Variants in ZNG1A observed in about 807,000 individuals in gnomAD.
ZNG1A encodes zinc-regulated GTPase metalloprotein activator 1A.
At chr9:140,472 C>G in the ZNG1A span, among the ~76,000 whole-genome samples, 2 of 151,348 alleles carry the variant, frequency 1.3e-5, no homozygotes, top group Admixed American at 6.6e-5. Flanking sequence ...AGAAGGAAAA[C>G]TAACAAACAG....
At chr9:171,387 T>C in the ZNG1A span, among the ~76,000 whole-genome samples, 1 of 152,160 alleles carries the variant, frequency 6.6e-6, no homozygotes, top group South Asian at 2.1e-4. Context: ...GCACTAACTT[T>C]TATGCAAAAT....
the ZNG1A span, chr9:171,933 C>A: frequency 1.7e-6 from 2 of 1,170,528 alleles, no homozygotes; most frequent in South Asian, 2.7e-5. Context: ...AAAATGACAA[C>A]CGAGTACTTT....
At chr9:173,927 C>A in the ZNG1A span, among the ~76,000 whole-genome samples, 1 of 152,122 alleles carries the variant, frequency 6.6e-6, no homozygotes, top group Non-Finnish European at 1.5e-5. Flanking sequence ...GCGGGCGGAT[C>A]ACGAGGTCAG....
the ZNG1A span, among the ~76,000 whole-genome samples, chr9:136,915 G>A: frequency 6.6e-6 from 1 of 151,196 alleles, no homozygotes; most frequent in East Asian, 2.0e-4. Context: ...ATGGGTGCAA[G>A]CCTGTAGTCC....
the ZNG1A span, among the ~76,000 whole-genome samples, chr9:145,462 A>G: frequency 1.3e-5 from 2 of 148,522 alleles, no homozygotes. Flanking sequence ...AAAACCAAAC[A>G]CCGCATATTC....
At chr9:151,162 C>G in the ZNG1A span, 1 of 985,110 alleles carries the variant, frequency 1.0e-6, no homozygotes, top group African/African-American at 1.8e-5. Context: ...CCTCTGCCAG[C>G]AGATGAGTGG....
chr9:161,559 G>C, the ZNG1A span: 4 of 1,285,638 alleles, frequency 3.1e-6, no homozygotes, highest in African/African-American at 6.1e-5. Flanking sequence ...AAACTTCCAA[G>C]AACTTACTGC....
chr9:140,074 C>T, the ZNG1A span, among the ~76,000 whole-genome samples: 21 of 150,676 alleles, frequency 1.4e-4, 1 homozygote, highest in Non-Finnish European at 5.9e-5. Flanking sequence ...AAGGCGGCAG[C>T]GAGGCTCGGG....
At chr9:169,813 C>G in the ZNG1A span, among the ~76,000 whole-genome samples, 1 of 136,140 alleles carries the variant, frequency 7.3e-6, no homozygotes, top group Non-Finnish European at 1.6e-5. Context: ...TTAGACAATT[C>G]TATTACACAT....
the ZNG1A span, chr9:175,743 GCT>G: frequency 7.0e-6 from 11 of 1,564,540 alleles, no homozygotes; most frequent in East Asian, 2.3e-5. Flanking sequence ...TTACTATGTT[GCT>G]CTGTCAAAAT....
the ZNG1A span, among the ~76,000 whole-genome samples, chr9:176,273 T>C: frequency 2.7e-4 from 38 of 139,502 alleles, no homozygotes; most frequent in Non-Finnish European, 4.3e-4. Context: ...TAAAACCCAA[T>C]ATGTCAATCT....
chr9:155,935 A>G, the ZNG1A span, among the ~76,000 whole-genome samples: 2 of 149,504 alleles, frequency 1.3e-5, no homozygotes, highest in Non-Finnish European at 3.0e-5. Flanking sequence ...GTGAAACCCC[A>G]TCTCTACTAA....
chr9:138,626 T>A, the ZNG1A span, among the ~76,000 whole-genome samples: 1 of 144,098 alleles, frequency 6.9e-6, no homozygotes. Flanking sequence ...AGGCTGGGTG[T>A]GGTGGGCTAC....
chr9:161,582 C>A, the ZNG1A span: 1 of 1,286,536 alleles, frequency 7.8e-7, no homozygotes, highest in Non-Finnish European at 1.0e-6. Flanking sequence ...TGGGCCCTAT[C>A]CATATGCTCA....
At chr9:138,732 T>A in the ZNG1A span, among the ~76,000 whole-genome samples, 1 of 130,356 alleles carries the variant, frequency 7.7e-6, no homozygotes, top group Non-Finnish European at 1.6e-5. Flanking sequence ...GACACCATGC[T>A]TACAGAAAAT....
chr9:163,316 A>T, the ZNG1A span, among the ~76,000 whole-genome samples: 4 of 151,698 alleles, frequency 2.6e-5, no homozygotes, highest in Admixed American at 6.6e-5. Context: ...AATAAAAGCA[A>T]AAATATGATC....
the ZNG1A span, among the ~76,000 whole-genome samples, chr9:138,608 T>C: frequency 6.2e-5 from 9 of 145,686 alleles, no homozygotes; most frequent in African/African-American, 1.8e-4. Flanking sequence ...ATTAGAAATA[T>C]ATATATAAGG....
At chr9:160,457 G>C in the ZNG1A span, among the ~76,000 whole-genome samples, 1 of 152,034 alleles carries the variant, frequency 6.6e-6, no homozygotes, top group Non-Finnish European at 1.5e-5. Flanking sequence ...TCTGGCATCC[G>C]ACTTAGAAAA....
At chr9:143,579 G>A in the ZNG1A span, among the ~76,000 whole-genome samples, 1 of 123,878 alleles carries the variant, frequency 8.1e-6, no homozygotes, top group Non-Finnish European at 1.6e-5. Context: ...CAAACCCACA[G>A]CCAATATCAT....
Sources: gnomAD v4.1 joint callset for allele counts (sites outside exome capture counted in the v4.1 genomes callset) on GRCh38, gnomAD v4.1.1 for gene constraint, MANE v1.5 for transcripts, NCBI Gene and HGNC (gene_info 2026-07-23, HGNC 2026-07-21) for gene names.